The following THRB variants were observed in gnomAD, a reference collection of about 807,000 sequenced individuals.
The protein encoded by THRB is nuclear receptor subfamily 1 group A member 2.
A neutral mutation model predicts 47.8 loss-of-function variants in THRB; 12 were observed. The observed-to-expected ratio is 0.25, with a 90% CI of 0.16 to 0.41. THRB has a LOEUF of 0.41. Among genes scored for constraint, THRB ranks in the 10% least tolerant of loss-of-function variants. THRB has a pLI of 1.00. For synonymous variants in THRB, 218 were observed against 212.2 expected (o/e 1.03, Z -0.24); for missense variants, 348 against 589.2 (o/e 0.59, Z 4.24).
In THRB at chr3:24,418,522, T is replaced by C. The variant is rs115637633; in HGVS notation, c.-261+76130A>G. Among the ~76,000 whole-genome samples the C allele has an allele frequency of 5.0e-3, 758 of 152,006 alleles. 3 individuals are homozygous for C. Among genetic ancestry groups the C allele is most frequent in the African/African-American group, 0.017 (721 of 41,538 alleles). ...GATTATGATATGGTAAATGAAAATATTGCCGATTTAAAAAATATAATTTTT... is the reference window on the plus strand; with the variant it reads ...GATTATGATATGGTAAATGAAAATACTGCCGATTTAAAAAATATAATTTTT... On this transcript the variant is annotated intron_variant, in intron 1 of 10. Transcript: ENST00000646209.
chr3:24,239,996 T>G (rs1404528916), intron 3 of THRB, among the ~76,000 whole-genome samples: 1 of 152,200 alleles, frequency 6.6e-6, no homozygotes, highest in African/African-American at 2.4e-5. Context: ...CAGTTGTTTC[T>G]GGGTTTCCCT....
At position 24,343,666 on chromosome 3, in the gene THRB, T is replaced by C. The variant is rs567475855; in HGVS notation, c.-260-6295A>G. On this transcript the variant is annotated intron_variant, in intron 1 of 10. Transcript: ENST00000646209. ...GTTCACCACAGAGATGACTAATCAA[T>C]TGCAATCTTTCTTTACTACTGAATC... Among the ~76,000 whole-genome samples the C allele has an allele frequency of 5.3e-5, 8 of 152,146 alleles. No individual in the cohort carries two copies. In the East Asian group the frequency reaches 1.5e-3, roughly 29 times the overall value.
At chr3:24,345,903 CAATT>C (rs1453592542) in intron 1 of THRB, among the ~76,000 whole-genome samples, 1 of 151,898 alleles carries the variant, frequency 6.6e-6, no homozygotes, top group Non-Finnish European at 1.5e-5. Context: ...ATTTTAAACA[CAATT>C]TATTTTATGT....
chr3:24,378,458 C>T (rs2065453799), intron 1 of THRB, among the ~76,000 whole-genome samples: 1 of 152,096 alleles, frequency 6.6e-6, no homozygotes, highest in South Asian at 2.1e-4. Flanking sequence ...GACTATGTTA[C>T]CTATCTCTTA....
At chr3:24,318,127 G>A (rs766590510) in intron 2 of THRB, among the ~76,000 whole-genome samples, 44 of 152,210 alleles carry the variant, frequency 2.9e-4, no homozygotes, top group Admixed American at 2.7e-3. Context: ...GAGTAGAAGC[G>A]AAAATTCAGA....
intron 1 of THRB, among the ~76,000 whole-genome samples, chr3:24,347,714 A>G (rs1347423152): frequency 2.0e-5 from 3 of 151,910 alleles, no homozygotes; most frequent in East Asian, 1.9e-4. Flanking sequence ...CTTCATGGCA[A>G]TATTTGAAAA....
intron 1 of THRB, among the ~76,000 whole-genome samples, chr3:24,491,461 C>T (rs1292266340): frequency 6.6e-6 from 1 of 152,168 alleles, no homozygotes; most frequent in Non-Finnish European, 1.5e-5. Flanking sequence ...CAATATTTCC[C>T]ACCATCATTT....
intron 2 of THRB, among the ~76,000 whole-genome samples, chr3:24,311,260 A>G (rs1488273303): frequency 6.6e-6 from 1 of 152,208 alleles, no homozygotes; most frequent in Admixed American, 6.5e-5. Context: ...AGCAGGACAG[A>G]AAAATGGAGT....
At chr3:24,281,558 T>G (rs1177703173) in intron 3 of THRB, among the ~76,000 whole-genome samples, 1 of 144,998 alleles carries the variant, frequency 6.9e-6, no homozygotes, top group Non-Finnish European at 1.5e-5. Context: ...AACATCATAA[T>G]GACAGGATCA....
intron 4 of THRB, among the ~76,000 whole-genome samples, chr3:24,227,639 T>C (rs1055066870): frequency 3.3e-5 from 5 of 152,154 alleles, no homozygotes; most frequent in East Asian, 1.9e-4. Context: ...TTTATGGTCA[T>C]TGGGAGGCTT....
At chr3:24,131,018 G>A (rs1017789165) in intron 9 of THRB, among the ~76,000 whole-genome samples, 1 of 152,138 alleles carries the variant, frequency 6.6e-6, no homozygotes, top group Non-Finnish European at 1.5e-5. Flanking sequence ...ACAGGTGCTG[G>A]TAACGATCTG....
At chr3:24,478,606 G>A (rs1462727973) in intron 1 of THRB, among the ~76,000 whole-genome samples, 3 of 149,428 alleles carry the variant, frequency 2.0e-5, no homozygotes, top group Admixed American at 2.0e-4. Flanking sequence ...GAGGGGAGAA[G>A]GATAGGAAGA....
intron 5 of THRB, among the ~76,000 whole-genome samples, chr3:24,159,731 G>C (rs2038476978): frequency 7.2e-5 from 1 of 13,960 alleles, no homozygotes; most frequent in South Asian, 3.0e-3. Flanking sequence ...CAACTGCTGT[G>C]TGTGTGTGTG....
At chr3:24,188,758 G>GCGCA (rs113818561) in intron 5 of THRB, among the ~76,000 whole-genome samples, 1 of 149,252 alleles carries the variant, frequency 6.7e-6, no homozygotes, top group Admixed American at 6.6e-5. Context: ...GCACACACGT[G>GCGCA]CACACACACA....
intron 1 of THRB, among the ~76,000 whole-genome samples, chr3:24,454,840 G>A (rs1353418337): frequency 6.6e-6 from 1 of 152,276 alleles, no homozygotes; most frequent in Non-Finnish European, 1.5e-5. Context: ...TACTCGGAAA[G>A]AATAAACATC....
chr3:24,242,607 CT>C (rs1422723534), intron 3 of THRB, among the ~76,000 whole-genome samples: 1 of 152,164 alleles, frequency 6.6e-6, no homozygotes, highest in African/African-American at 2.4e-5. Context: ...TTCTCAGCTG[CT>C]CCTTGCACAA....
rs537843252 is a variant in THRB, at chr3:24,297,869, T to C, written c.-188-498A>G. Among the ~76,000 whole-genome samples, 11 of 152,308 alleles carry C rather than the reference T, an allele frequency of 7.2e-5. No individual in the cohort carries two copies. In the South Asian group the frequency reaches 2.1e-3, roughly 29 times the overall value. ...TTTAAATGCCTCAGGTGATTCCAAC[T>C]TGTAGCACGTGTAAGGGCCCGTGCT... is the stretch of plus-strand genomic sequence containing the variant. On this transcript the variant is annotated intron_variant, in intron 2 of 10. Transcript: ENST00000646209.
At chr3:24,334,906 T>C (rs1359158502) in intron 2 of THRB, among the ~76,000 whole-genome samples, 9 of 152,230 alleles carry the variant, frequency 5.9e-5, no homozygotes, top group Non-Finnish European at 1.3e-4. Context: ...ACCTGGCTTA[T>C]TAAGGAAATA....
At chr3:24,263,906 G>A (rs2052358757) in intron 3 of THRB, among the ~76,000 whole-genome samples, 1 of 152,168 alleles carries the variant, frequency 6.6e-6, no homozygotes, top group South Asian at 2.1e-4. Context: ...CATCCAAAGT[G>A]ATGTCTCAGT....
Sources: allele counts gnomAD v4.1 joint callset (sites outside exome capture counted in the v4.1 genomes callset), GRCh38; gene constraint gnomAD v4.1.1; transcripts MANE v1.5; gene names NCBI Gene and HGNC (gene_info 2026-07-23, HGNC 2026-07-21).